The following WWC1 variants were observed in gnomAD, a reference collection of about 807,000 sequenced individuals.
WWC1 encodes WW and C2 domain containing 1.
A neutral mutation model predicts 138.4 loss-of-function variants in WWC1; 55 were observed. The observed-to-expected ratio is 0.40, with a 90% CI of 0.32 to 0.50. The LOEUF (loss-of-function observed/expected upper bound fraction) is 0.50. Among genes scored for constraint, WWC1 ranks in the 20% least tolerant of loss-of-function variants. The pLI is 0.72. For missense variants in WWC1, 1,226 were observed against 1,420.4 expected, an observed-to-expected ratio of 0.86 and a Z score of 2.20; for synonymous variants, 524 against 564.9, an observed-to-expected ratio of 0.93 and a Z score of 1.03.
intron 1 of WWC1, among the ~76,000 whole-genome samples, chr5:168,353,651 G>T (rs543360015): frequency 3.3e-5 from 5 of 152,218 alleles, no homozygotes; most frequent in Non-Finnish European, 7.3e-5. Flanking sequence ...TCCATCACTC[G>T]CTGTGTGCCG....
chr5:168,316,416 G>A (rs1771600187), intron 1 of WWC1, among the ~76,000 whole-genome samples: 1 of 152,158 alleles, frequency 6.6e-6, no homozygotes, highest in Admixed American at 6.5e-5. Context: ...AAGCTGGCTC[G>A]CTTATCTGCA....
chr5:168,319,835 C>G (rs1399632110), intron 1 of WWC1, among the ~76,000 whole-genome samples: 1 of 152,140 alleles, frequency 6.6e-6, no homozygotes, highest in East Asian at 1.9e-4. Context: ...CGAGAAACTG[C>G]CATCTGTTTT....
intron 1 of WWC1, among the ~76,000 whole-genome samples, chr5:168,326,398 G>A (rs965487433): frequency 9.2e-5 from 14 of 151,764 alleles, no homozygotes; most frequent in Non-Finnish European, 1.6e-4. Context: ...TGTATTTTTA[G>A]TAGAGACAGG....
chr5:168,292,533 G>A lies in WWC1; in HGVS notation c.119+262G>A, dbSNP rs576197059. On this transcript the variant is annotated intron_variant, in intron 1 of 22. Transcript: ENST00000265293. This position sits in a 1 kb window ranked among gnomAD's most constrained non-coding sequence, Gnocchi z 4.4. ...CAGTTGGAGGACTTAGGCCCCAGCC[G>A]GCACCTGCCCGGAGTTTTGACCTTA... Among the ~76,000 whole-genome samples the A allele has an allele frequency of 6.6e-6, 1 of 152,154 alleles. No individual in the cohort carries two copies. Among genetic ancestry groups the A allele is most frequent in the East Asian group, 2.0e-4 (1 of 5,122 alleles).
chr5:168,341,968 C>T (rs1295230444), intron 1 of WWC1, among the ~76,000 whole-genome samples: 1 of 152,196 alleles, frequency 6.6e-6, no homozygotes, highest in Non-Finnish European at 1.5e-5. Flanking sequence ...TTCCCCTAGC[C>T]AGTGGACTTC....
At chr5:168,403,289 G>T (rs1162278586) in intron 5 of WWC1, among the ~76,000 whole-genome samples, 1 of 151,906 alleles carries the variant, frequency 6.6e-6, no homozygotes, top group Non-Finnish European at 1.5e-5. Flanking sequence ...AGTAGAGATG[G>T]GGTTTCACTG....
chr5:168,429,140 T>C (rs1274185806), intron 13 of WWC1, among the ~76,000 whole-genome samples: 1 of 152,076 alleles, frequency 6.6e-6, no homozygotes, highest in Admixed American at 6.6e-5. Context: ...TTCCATCCCA[T>C]CTAGGTTTCA....
At chr5:168,424,813 A>G (rs1561747046) in intron 11 of WWC1, among the ~76,000 whole-genome samples, 1 of 152,150 alleles carries the variant, frequency 6.6e-6, no homozygotes, top group African/African-American at 2.4e-5. Context: ...GACCCATGTG[A>G]CCGTTTGAAG....
intron 1 of WWC1, among the ~76,000 whole-genome samples, chr5:168,313,427 CT>C (rs553740108): frequency 1.4e-3 from 208 of 152,142 alleles, no homozygotes; most frequent in Non-Finnish European, 2.0e-3. Flanking sequence ...CCCGTCTCTA[CT>C]AAAAATACAA....
chr5:168,427,548 ATTTTTTTTTTT>A (rs34177139), intron 11 of WWC1, among the ~76,000 whole-genome samples: 2 of 101,150 alleles, frequency 2.0e-5, no homozygotes, highest in Non-Finnish European at 3.7e-5. Context: ...CTTTTTTTTA[ATTTTTTTTTTT>A]TTTTTTTTTT....
At chr5:168,398,637 C>T (rs1217442700) in intron 4 of WWC1, among the ~76,000 whole-genome samples, 3 of 148,888 alleles carry the variant, frequency 2.0e-5, no homozygotes, top group Non-Finnish European at 4.5e-5. Flanking sequence ...ATTACTTGCT[C>T]GTGGCAAAGT....
In WWC1 at chr5:168,408,513, G is replaced by A. The variant is rs776452634; in HGVS notation, c.727G>A (p.Ala243Thr). 1 of 1,614,052 alleles carries A rather than the reference G, an allele frequency of 6.2e-7. No individual in the cohort carries two copies. Among genetic ancestry groups the A allele is most frequent in the South Asian group, 1.1e-5 (1 of 91,036 alleles). The change falls in exon 7 of 23, where the codon GCC (alanine) becomes ACC (threonine). Residue 243 changes from alanine to threonine, a missense_variant. Coordinates refer to ENST00000265293, the MANE Select transcript of WWC1 (RefSeq NM_015238.3). ...CTGCTCTCCCCTCCTTCAGAGCCTT[G>A]CCATGTTGAAGGACGGCTTCCGCAC... ...KEKQDLIKSL[A>T]MLKDGFRTDR...
chr5:168,424,091 G>A, intron 11 of WWC1, 23 bp downstream of exon 11: 1 of 1,556,506 alleles, frequency 6.4e-7, no homozygotes, highest in Non-Finnish European at 8.7e-7. Flanking sequence ...ATACCCAGAG[G>A]GTGGGAACCA....
At chr5:168,465,259 A>T (rs1331305889) in intron 21 of WWC1, among the ~76,000 whole-genome samples, 4 of 152,212 alleles carry the variant, frequency 2.6e-5, no homozygotes, top group Non-Finnish European at 5.9e-5. Context: ...GCAGTTCTTC[A>T]TGAAATACGT....
At chr5:168,380,493 A>G (rs1777543625) in intron 2 of WWC1, among the ~76,000 whole-genome samples, 1 of 152,134 alleles carries the variant, frequency 6.6e-6, no homozygotes, top group Non-Finnish European at 1.5e-5. Flanking sequence ...TACCCACTAT[A>G]ATGACTAAAA....
chr5:168,307,691 G>A (rs1003815523), intron 1 of WWC1, among the ~76,000 whole-genome samples: 1 of 147,446 alleles, frequency 6.8e-6, no homozygotes, highest in Non-Finnish European at 1.5e-5. Context: ...TGCAACCTCC[G>A]CCTCCAGGGT....
intron 22 of WWC1, among the ~76,000 whole-genome samples, chr5:168,468,177 A>G (rs959060999): frequency 6.6e-6 from 1 of 152,144 alleles, no homozygotes; most frequent in African/African-American, 2.4e-5. Flanking sequence ...ACACAACTCG[A>G]GCTAATTTGT....
chr5:168,422,860 G>C (rs1163399417), intron 10 of WWC1, among the ~76,000 whole-genome samples: 1 of 152,082 alleles, frequency 6.6e-6, no homozygotes, highest in African/African-American at 2.4e-5. Flanking sequence ...AAAACAGTGA[G>C]TTGGGGCAGG....
intron 2 of WWC1, among the ~76,000 whole-genome samples, chr5:168,376,999 C>G (rs1777226284): frequency 6.6e-6 from 1 of 152,106 alleles, no homozygotes; most frequent in Non-Finnish European, 1.5e-5. Context: ...AAGAACAAAG[C>G]CAGAGGCATC....
Sources: gnomAD v4.1 joint callset for allele counts (sites outside exome capture counted in the v4.1 genomes callset) on GRCh38, gnomAD v4.1.1 for gene constraint, Gnocchi (gnomAD v3.1) non-coding constraint, MANE v1.5 for transcripts, NCBI Gene and HGNC (gene_info 2026-07-23, HGNC 2026-07-21) for gene names.